The following SPOCK3 variants were observed in gnomAD, a reference collection of about 807,000 sequenced individuals.
SPOCK3 encodes the protein SPARC (osteonectin), cwcv and kazal like domains proteoglycan 3, also known as testican-3.
A neutral mutation model predicts 56.6 loss-of-function variants in SPOCK3; 30 were observed. The ratio of observed to expected loss-of-function variants is 0.53; its 90% CI spans 0.40 to 0.72. The LOEUF (loss-of-function observed/expected upper bound fraction) is 0.72, where lower values mean the gene tolerates loss of function less well. Ranked by LOEUF, SPOCK3 falls within the 30% of genes least tolerant of loss-of-function variation. The pLI, the probability that SPOCK3 is intolerant of heterozygous loss-of-function variation, is 0.00. For synonymous variants in SPOCK3, 196 were observed against 183.3 expected, an observed-to-expected ratio of 1.07 and a Z score of -0.56; for missense variants, 527 against 530.0, an observed-to-expected ratio of 0.99 and a Z score of 0.06.
intron 4 of SPOCK3, among the ~76,000 whole-genome samples, chr4:166,931,157 C>T (rs10022739): frequency 0.61 from 93,302 of 151,948 alleles, 28,731 homozygotes; most frequent in Admixed American, 0.63. Flanking sequence ...AATTTTTGCA[C>T]TTTTAGTGGA....
intron 2 of SPOCK3, among the ~76,000 whole-genome samples, chr4:167,116,732 C>A (rs992867982): frequency 7.6e-6 from 1 of 130,816 alleles, no homozygotes; most frequent in African/African-American, 2.8e-5. Context: ...TATATATACA[C>A]ACATATAGTA....
chr4:167,068,780 G>C (rs984463554), intron 2 of SPOCK3, among the ~76,000 whole-genome samples: 2 of 151,862 alleles, frequency 1.3e-5, no homozygotes, highest in African/African-American at 4.8e-5. Context: ...GTGGTACACA[G>C]CTTGTGACTT....
intron 2 of SPOCK3, among the ~76,000 whole-genome samples, chr4:167,173,870 A>G (rs757216733): frequency 1.3e-4 from 20 of 152,166 alleles, no homozygotes; most frequent in Non-Finnish European, 2.5e-4. Context: ...CCCTGGATTC[A>G]TAGGGCCCTA....
chr4:166,996,296 C>T (rs1007446601), intron 4 of SPOCK3, among the ~76,000 whole-genome samples: 12 of 152,092 alleles, frequency 7.9e-5, no homozygotes, highest in African/African-American at 2.7e-4. Flanking sequence ...AAACCTTTTC[C>T]TTTTAATATC....
intron 2 of SPOCK3, among the ~76,000 whole-genome samples, chr4:167,219,531 C>T (rs912008700): frequency 1.3e-5 from 2 of 152,112 alleles, no homozygotes; most frequent in African/African-American, 4.8e-5. Context: ...TATCAGAAGA[C>T]AATTAATTAG....
At chr4:166,953,063 C>G (rs532435109) in intron 4 of SPOCK3, among the ~76,000 whole-genome samples, 4 of 151,738 alleles carry the variant, frequency 2.6e-5, no homozygotes, top group Non-Finnish European at 5.9e-5. Flanking sequence ...GCAATGGCAA[C>G]AAAAGCCAAA....
At chr4:166,781,050 C>T (rs950709443) in intron 7 of SPOCK3, among the ~76,000 whole-genome samples, 31 of 152,020 alleles carry the variant, frequency 2.0e-4, no homozygotes, top group African/African-American at 5.6e-4. Flanking sequence ...GCTCAACTGC[C>T]GTACTAAAAG....
chr4:166,995,065 A>T (rs1192213456), intron 4 of SPOCK3, among the ~76,000 whole-genome samples: 2 of 152,142 alleles, frequency 1.3e-5, no homozygotes, highest in African/African-American at 2.4e-5. Flanking sequence ...AAGCATAATA[A>T]GAGCACAAAT....
chr4:166,997,263 CA>C (rs1748483384), intron 4 of SPOCK3, among the ~76,000 whole-genome samples: 1 of 152,054 alleles, frequency 6.6e-6, no homozygotes, highest in African/African-American at 2.4e-5. Context: ...CCATGGGACA[CA>C]TTTACCTATA....
At chr4:166,824,867 A>T (rs1745299457) in intron 6 of SPOCK3, among the ~76,000 whole-genome samples, 2 of 151,898 alleles carry the variant, frequency 1.3e-5, no homozygotes, top group Admixed American at 1.3e-4. Context: ...AGGGAAAATT[A>T]CACTAATTGA....
chr4:167,023,953 G>T (rs1751444702), intron 3 of SPOCK3, among the ~76,000 whole-genome samples: 1 of 151,988 alleles, frequency 6.6e-6, no homozygotes, highest in Non-Finnish European at 1.5e-5. Context: ...GGTGGGCAGA[G>T]GCAGAAAGAA....
intron 2 of SPOCK3, among the ~76,000 whole-genome samples, chr4:167,063,901 A>G (rs929427688): frequency 6.6e-6 from 1 of 151,854 alleles, no homozygotes; most frequent in Admixed American, 6.6e-5. Flanking sequence ...TTATCCAATC[A>G]ACTGTTGATG....
At chr4:167,093,466 C>T (rs192196345) in intron 2 of SPOCK3, among the ~76,000 whole-genome samples, 24 of 152,152 alleles carry the variant, frequency 1.6e-4, no homozygotes, top group Non-Finnish European at 2.6e-4. Flanking sequence ...TGACAGGCCC[C>T]GGTGCATGAT....
intron 6 of SPOCK3, among the ~76,000 whole-genome samples, chr4:166,857,408 C>A (rs1430940282): frequency 6.6e-6 from 1 of 152,142 alleles, no homozygotes; most frequent in Non-Finnish European, 1.5e-5. Flanking sequence ...TGGACAGAGA[C>A]CTTCAGAAAT....
At chr4:166,946,570 G>A (rs1324890310) in intron 4 of SPOCK3, among the ~76,000 whole-genome samples, 2 of 152,106 alleles carry the variant, frequency 1.3e-5, no homozygotes, top group Non-Finnish European at 2.9e-5. Context: ...TTCAAATCTT[G>A]GCTTAACTAT....
At chr4:167,040,780 A>G (rs1028195384) in intron 3 of SPOCK3, among the ~76,000 whole-genome samples, 16 of 152,350 alleles carry the variant, frequency 1.1e-4, no homozygotes, top group African/African-American at 3.1e-4. Flanking sequence ...ATGCCATTCA[A>G]TGAATTTGTA....
chr4:167,038,136 G>C (rs1752925262), intron 3 of SPOCK3, among the ~76,000 whole-genome samples: 2 of 152,094 alleles, frequency 1.3e-5, no homozygotes, highest in Admixed American at 1.3e-4. Flanking sequence ...AATACAGCAT[G>C]ATGTACCAAC....
At chr4:166,849,044 T>A (rs1333665290) in intron 6 of SPOCK3, among the ~76,000 whole-genome samples, 5 of 152,198 alleles carry the variant, frequency 3.3e-5, no homozygotes, top group Non-Finnish European at 5.9e-5. Flanking sequence ...GTTTTTTAAT[T>A]TCACATGAAT....
At chr4:167,007,945 G>A (rs1236450873) in intron 3 of SPOCK3, among the ~76,000 whole-genome samples, 3 of 151,772 alleles carry the variant, frequency 2.0e-5, no homozygotes, top group Admixed American at 6.6e-5. Flanking sequence ...TGTTTCAAGA[G>A]GATTTATGAA....
Sources: allele counts gnomAD v4.1 joint callset (sites outside exome capture counted in the v4.1 genomes callset), GRCh38; gene constraint gnomAD v4.1.1; transcripts MANE v1.5; gene names NCBI Gene and HGNC (gene_info 2026-07-23, HGNC 2026-07-21).